Variants in SORCS3 observed in about 807,000 individuals in gnomAD.
SORCS3 encodes sortilin related VPS10 domain containing receptor 3.
Under a neutral mutation model 146.3 loss-of-function variants are expected in SORCS3, and 57 were observed. The ratio of observed to expected loss-of-function variants is 0.39; its 90% CI spans 0.31 to 0.49. The LOEUF (loss-of-function observed/expected upper bound fraction) is 0.49, where lower values mean the gene tolerates loss of function less well. Ranked by LOEUF, SORCS3 falls within the 20% of genes least tolerant of loss-of-function variation. The probability of loss-of-function intolerance (pLI) is 0.92; values close to 1 mark genes in which losing one functional copy is unlikely to be tolerated. For synonymous variants in SORCS3, 653 were observed against 618.5 expected, an observed-to-expected ratio of 1.06 and a Z score of -0.83; for missense variants, 1,341 against 1,575.5, an observed-to-expected ratio of 0.85 and a Z score of 2.52.
chr10:104,794,531 G>A (rs574820342), intron 1 of SORCS3, among the ~76,000 whole-genome samples: 3 of 151,502 alleles, frequency 2.0e-5, no homozygotes, highest in African/African-American at 7.3e-5. Context: ...TGGACCAGAA[G>A]AGCCTCCATC....
chr10:105,156,286 G>A (rs1201809974), intron 9 of SORCS3, among the ~76,000 whole-genome samples: 1 of 152,168 alleles, frequency 6.6e-6, no homozygotes, highest in East Asian at 1.9e-4. Flanking sequence ...ATCTTTCTTT[G>A]ATGCAGGATG....
intron 2 of SORCS3, among the ~76,000 whole-genome samples, chr10:104,915,323 A>G (rs1463043357): frequency 6.6e-6 from 1 of 152,032 alleles, no homozygotes; most frequent in African/African-American, 2.4e-5. Context: ...GGACCCCATA[A>G]GTTTTCTGGG....
chr10:105,071,247 A>G (rs2055554510), intron 5 of SORCS3, among the ~76,000 whole-genome samples: 1 of 152,224 alleles, frequency 6.6e-6, no homozygotes, highest in African/African-American at 2.4e-5. Flanking sequence ...GAAAAGCATA[A>G]AATGAATGAA....
At chr10:105,226,369 G>A (rs935624246) in intron 20 of SORCS3, among the ~76,000 whole-genome samples, 2 of 151,964 alleles carry the variant, frequency 1.3e-5, no homozygotes, top group Non-Finnish European at 2.9e-5. Flanking sequence ...ATTGGCTTGT[G>A]TATGTTAAAT....
chr10:104,697,463 G>A (rs1256369736), intron 1 of SORCS3, among the ~76,000 whole-genome samples: 2 of 152,154 alleles, frequency 1.3e-5, no homozygotes, highest in Non-Finnish European at 2.9e-5. Context: ...AGGGTCTGGT[G>A]CACTGAAGTT....
At chr10:104,728,651 C>G (rs947784291) in intron 1 of SORCS3, among the ~76,000 whole-genome samples, 1 of 152,154 alleles carries the variant, frequency 6.6e-6, no homozygotes, top group African/African-American at 2.4e-5. Flanking sequence ...TTACACTTGA[C>G]CTATCAGAAA....
At chr10:105,263,255 C>T (rs2056972013) in intron 26 of SORCS3, 55 bp from the exon 27 acceptor site, 1 of 1,566,280 alleles carries the variant, frequency 6.4e-7, no homozygotes, top group Admixed American at 1.7e-5. Flanking sequence ...AAACTAAGAT[C>T]CCTGCCCTTG....
intron 20 of SORCS3, among the ~76,000 whole-genome samples, chr10:105,233,607 T>TA (rs2056777084): frequency 1.3e-5 from 2 of 152,166 alleles, no homozygotes. Context: ...CCCCTCCCTA[T>TA]GTCCATGTGT....
At chr10:104,744,635 T>C (rs989504791) in intron 1 of SORCS3, among the ~76,000 whole-genome samples, 1 of 152,228 alleles carries the variant, frequency 6.6e-6, no homozygotes, top group African/African-American at 2.4e-5. Flanking sequence ...TGTCTGTTTC[T>C]AAAGCCCATG....
chr10:104,808,460 G>A (rs182636394), intron 1 of SORCS3, among the ~76,000 whole-genome samples: 1 of 152,312 alleles, frequency 6.6e-6, no homozygotes. Flanking sequence ...GGGCAACAGG[G>A]AACAATGAAA....
At chr10:105,183,622 C>G (rs190986065) in intron 14 of SORCS3, among the ~76,000 whole-genome samples, 3 of 152,108 alleles carry the variant, frequency 2.0e-5, no homozygotes, top group Non-Finnish European at 1.5e-5. Flanking sequence ...GTAAGTCATT[C>G]GAGTAATCGG....
At chr10:105,068,589 T>G (rs2133724084) in intron 5 of SORCS3, among the ~76,000 whole-genome samples, 1 of 152,120 alleles carries the variant, frequency 6.6e-6, no homozygotes, top group East Asian at 1.9e-4. Flanking sequence ...GTTAAAAACT[T>G]CTGCTGCTGA....
chr10:104,910,644 A>T lies in SORCS3; in HGVS notation c.696-5189A>T, dbSNP rs115117281. ...CACTCAAAAAGGTTATGTGTTGTTTATGCACACAAACACTTGTTAAATCTA... is the reference window on the plus strand; with the variant it reads ...CACTCAAAAAGGTTATGTGTTGTTTTTGCACACAAACACTTGTTAAATCTA... On this transcript the variant is annotated intron_variant, in intron 2 of 26. Coordinates refer to ENST00000369701, the MANE Select transcript of SORCS3 (RefSeq NM_014978.3). Among the ~76,000 whole-genome samples, 768 of 152,388 alleles carry T rather than the reference A, an allele frequency of 5.0e-3. 9 individuals carry two copies. The highest frequency in any genetic ancestry group is 0.018 in the African/African-American group (753 of 41,590).
At chr10:105,057,724 C>T (rs2055454932) in intron 5 of SORCS3, among the ~76,000 whole-genome samples, 1 of 152,194 alleles carries the variant, frequency 6.6e-6, no homozygotes, top group African/African-American at 2.4e-5. Context: ...CAAAGAGATG[C>T]CTAAAATAGA....
chr10:105,214,365 A>AACAC (rs34307677), intron 17 of SORCS3, 77 bp from the exon 18 acceptor site: 20,789 of 1,404,000 alleles, frequency 0.015, no homozygotes, highest in South Asian at 0.042. Flanking sequence ...TTCCCTTTAT[A>AACAC]ACACACACAC....
intron 2 of SORCS3, among the ~76,000 whole-genome samples, chr10:104,847,856 C>T (rs1437749116): frequency 2.6e-5 from 4 of 152,094 alleles, no homozygotes; most frequent in African/African-American, 2.4e-5. Context: ...AGCCATTCTT[C>T]CTGTATGCCT....
chr10:105,113,046 G>T (rs992337696), intron 7 of SORCS3, among the ~76,000 whole-genome samples: 1 of 152,176 alleles, frequency 6.6e-6, no homozygotes, highest in Non-Finnish European at 1.5e-5. Flanking sequence ...GGAAAGGCTG[G>T]GCTTTGGGCT....
chr10:105,144,041 G>A (rs1451731779), intron 8 of SORCS3, among the ~76,000 whole-genome samples: 2 of 152,106 alleles, frequency 1.3e-5, no homozygotes, highest in Non-Finnish European at 2.9e-5. Context: ...CTAAATCTCT[G>A]TATATATCAA....
intron 3 of SORCS3, among the ~76,000 whole-genome samples, chr10:104,938,741 G>A (rs1384102517): frequency 2.0e-5 from 3 of 152,154 alleles, no homozygotes. Context: ...GGCAGGCACT[G>A]AGTTTTCCCC....
Sources: allele counts gnomAD v4.1 joint callset (sites outside exome capture counted in the v4.1 genomes callset), GRCh38; gene constraint gnomAD v4.1.1; transcripts MANE v1.5; gene names NCBI Gene and HGNC (gene_info 2026-07-23, HGNC 2026-07-21).